The following NBPF11 variants were observed in gnomAD, a reference collection of about 807,000 sequenced individuals.
NBPF11 encodes the protein NBPF family member NBPF11.
In NBPF11, 72 loss-of-function variants were observed where a neutral mutation model predicts 93.9. That is an observed-to-expected ratio of 0.77 (90% confidence interval 0.63 to 0.93). NBPF11 has a LOEUF of 0.93. Ranked by LOEUF, NBPF11 falls within the 40% of genes least tolerant of loss-of-function variation. The pLI, the probability that NBPF11 is intolerant of heterozygous loss-of-function variation, is 0.00. For missense variants in NBPF11, 705 were observed against 802.2 expected, an observed-to-expected ratio of 0.88 and a Z score of 1.46; for synonymous variants, 224 against 304.9, an observed-to-expected ratio of 0.73 and a Z score of 2.76.
chr1:148,135,784 A>T lies in NBPF11; in HGVS notation c.-148T>A, dbSNP rs2149276531. The T allele has an allele frequency of 8.5e-6, 6 of 708,298 alleles. No homozygotes were observed. The East Asian group carries it at 1.1e-4, about 13-fold the overall frequency. The allele number at this position is 708,298 out of a possible 1,614,324, so 43.9% of individuals were successfully genotyped here. Reference sequence around the variant, plus strand: ...TCTGAGTTTCTCCAGGTATGATATTATTTTGTTTGACCATCCTTATCTTCA... The same window carrying T: ...TCTGAGTTTCTCCAGGTATGATATTTTTTTGTTTGACCATCCTTATCTTCA... On this transcript the variant is annotated 5_prime_UTR_variant, in exon 4 of 24. Transcript: ENST00000682118.
At chr1:148,146,188 G>C (rs1331448146) in intron 1 of NBPF11, among the ~76,000 whole-genome samples, 5 of 151,678 alleles carry the variant, frequency 3.3e-5, no homozygotes, top group Admixed American at 1.3e-4. Context: ...GGAGACCTGT[G>C]GTTGCGAGGC....
chr1:148,120,774 A>C, intron 9 of NBPF11, 64 bp from the exon 10 acceptor site: 1 of 1,159,692 alleles, frequency 8.6e-7, no homozygotes, highest in Non-Finnish European at 1.3e-6. Context: ...AGGCTTAATC[A>C]GGACTGAGGG....
chr1:148,146,373 C>T (rs1183007962), intron 1 of NBPF11: 1 of 1,552,272 alleles, frequency 6.4e-7, no homozygotes, highest in African/African-American at 1.4e-5. Context: ...CCGGTGGAGG[C>T]CCGGCCCGGG....
intron 1 of NBPF11, chr1:148,146,988 G>A: frequency 1.4e-6 from 2 of 1,464,246 alleles, no homozygotes; most frequent in African/African-American, 1.4e-5. Context: ...GGGGGCCGGG[G>A]GGCGGGCTTC....
intron 20 of NBPF11, 130 bp from the exon 21 acceptor site, chr1:148,106,362 C>T (rs1468351805): frequency 1.7e-5 from 12 of 715,404 alleles, no homozygotes; most frequent in Admixed American, 1.2e-4. Context: ...GAGGGATATA[C>T]TTCAGGAGGC....
At position 148,121,556 on chromosome 1, in the gene NBPF11, C is replaced by T. The variant is rs1469737049; in HGVS notation, c.778+499G>A. Among the ~76,000 whole-genome samples, 5 of 151,504 alleles carry T rather than the reference C, an allele frequency of 3.3e-5. No homozygotes were observed. In the East Asian group the frequency reaches 5.8e-4, roughly 18 times the overall value. ...ATTTTTAGTAAAGACGGGGTTTCACCGTGTTAGCCAGGATGGTCTCAATCT... is the reference window on the plus strand; with the variant it reads ...ATTTTTAGTAAAGACGGGGTTTCACTGTGTTAGCCAGGATGGTCTCAATCT... On this transcript the variant is annotated intron_variant, in intron 9 of 23. Coordinates refer to ENST00000682118, the MANE Select transcript of NBPF11 (RefSeq NM_001385469.3).
chr1:148,109,867 G>T (rs1381186570), intron 16 of NBPF11, among the ~76,000 whole-genome samples: 2 of 138,132 alleles, frequency 1.4e-5, no homozygotes, highest in Non-Finnish European at 3.1e-5. Flanking sequence ...GGACAGATGA[G>T]CTAAAACAAG....
At position 148,104,579 on chromosome 1, in the gene NBPF11, CCCCTT is replaced by C; in HGVS notation, c.2534_2538del (p.Glu845GlyfsTer96). 1.7e-6 allele frequency: 1 copy of C among 596,854 alleles called. No homozygotes were observed. The highest frequency in any genetic ancestry group is 2.9e-6 in the Non-Finnish European group (1 of 342,338). 37.0% of individuals were successfully genotyped at this position (596,854 alleles called of 1,614,324 possible). A position where few individuals can be genotyped will look rare whatever the true frequency, so the allele number is the denominator to read the frequency against. ...TTGATCTTCTTCCCCTTCTTTTCTT[CCCCTT>C]CTTCTTTTCTTCTTTGATCTTCTTC... On this transcript the variant is annotated frameshift_variant, in exon 23 of 24. Coordinates refer to ENST00000682118, the MANE Select transcript of NBPF11 (RefSeq NM_001385469.3). LOFTEE classifies it high-confidence loss of function.
Position 148,108,671 on chromosome 1 carries a change from A to C in NBPF11, c.1854-17T>G, listed in dbSNP as rs1402488921. ...CTGCTGAGCCTGGAAAAGTGGGAAA[A>C]AGTAAAGAATAAGCCAGGGGGAATC... On this transcript the variant is annotated splice_polypyrimidine_tract_variant and intron_variant, in intron 17 of 23. Coordinates refer to ENST00000682118, the MANE Select transcript of NBPF11 (RefSeq NM_001385469.3). 2.0e-5 allele frequency: 18 copies of C among 897,102 alleles called. No individual in the cohort carries two copies. Among genetic ancestry groups the C allele is most frequent in the South Asian group, 1.8e-4 (14 of 76,748 alleles). The allele number at this position is 897,102 out of a possible 1,614,324, so 55.6% of individuals were successfully genotyped here. A position where few individuals can be genotyped will look rare whatever the true frequency, so the allele number is the denominator to read the frequency against.
intron 1 of NBPF11, chr1:148,146,663 C>T: frequency 6.2e-7 from 1 of 1,611,742 alleles, no homozygotes; most frequent in Non-Finnish European, 8.5e-7. Flanking sequence ...GAGGTCTTCC[C>T]CACCAAGAGC....
intron 23 of NBPF11, 146 bp from the exon 24 acceptor site, chr1:148,104,058 T>A: frequency 6.5e-7 from 1 of 1,540,004 alleles, no homozygotes; most frequent in East Asian, 2.3e-5. Flanking sequence ...TGCCTTTATG[T>A]TGGGATAGAA....
intron 3 of NBPF11, 25 bp from the exon 4 acceptor site, chr1:148,135,838 A>G (rs1558160901): frequency 2.9e-5 from 21 of 713,586 alleles, no homozygotes; most frequent in Non-Finnish European, 4.9e-5. Context: ...CAAATAATTT[A>G]TTTACCTCCC....
At position 148,147,433 on chromosome 1, in the gene NBPF11, G is replaced by A. The variant is rs1406008166; in HGVS notation, c.-548-3747C>T. ...CCCGCAGCACACATCCGAGGTCTGG[G>A]CCAGCCTCGATTCCAGATCCAGCCC... On this transcript the variant is annotated intron_variant, in intron 1 of 23. Transcript: ENST00000682118. Among the ~76,000 whole-genome samples the A allele has an allele frequency of 8.9e-4, 135 of 152,160 alleles. 3 individuals are homozygous for A. The East Asian group carries it at 0.026, about 29-fold the overall frequency.
chr1:148,146,885 C>G (rs1459251591), intron 1 of NBPF11: 2 of 1,613,366 alleles, frequency 1.2e-6, no homozygotes, highest in East Asian at 2.2e-5. Flanking sequence ...AACCTCTATG[C>G]CGACATCGAC....
At chr1:148,146,375 C>CGGTGGA in intron 1 of NBPF11, 1 of 1,556,548 alleles carries the variant, frequency 6.4e-7, no homozygotes, top group Non-Finnish European at 8.6e-7. Context: ...GGTGGAGGCC[C>CGGTGGA]GGCCCGGGCG....
Position 148,115,869 on chromosome 1 carries a change from C to T in NBPF11, c.1509G>A (p.Glu503=), listed in dbSNP as rs1446634853. 415 of 1,582,686 alleles carry T rather than the reference C, an allele frequency of 2.6e-4. 34 individuals carry two copies. The East Asian group carries it at 9.2e-3, about 35-fold the overall frequency. ...QPHRKTKITF[E]EDKVDSTLIG... is the part of the protein sequence containing the mutation. ...TGAGAGTTGAGTCGACTTTGTCTTC[C>T]TCAAATGTGATTTTGGTTTTTCTAT... Residue 503 remains glutamate (E), a synonymous_variant, in exon 14 of 24, where the codon GAG becomes GAA. Transcript: ENST00000682118.
At chr1:148,126,300 C>T (rs1433289566) in intron 5 of NBPF11, among the ~76,000 whole-genome samples, 1 of 151,926 alleles carries the variant, frequency 6.6e-6, no homozygotes, top group African/African-American at 2.4e-5. Flanking sequence ...TGCACGGCCC[C>T]TACTCCCTGC....
intron 2 of NBPF11, among the ~76,000 whole-genome samples, chr1:148,140,739 C>T (rs1362925689): frequency 5.3e-5 from 8 of 151,894 alleles, no homozygotes; most frequent in African/African-American, 1.5e-4. Context: ...AAACACAAAA[C>T]GGTGAACACA....
intron 4 of NBPF11, among the ~76,000 whole-genome samples, chr1:148,133,348 A>G (rs1276759993): frequency 6.6e-6 from 1 of 152,048 alleles, no homozygotes. Context: ...GAGCTCTAGT[A>G]TAATGCTGAA....
Sources: allele counts gnomAD v4.1 joint callset (sites outside exome capture counted in the v4.1 genomes callset), GRCh38; gene constraint gnomAD v4.1.1; transcripts MANE v1.5; gene names NCBI Gene and HGNC (gene_info 2026-07-23, HGNC 2026-07-21).